The following SIAH2 variants were observed in gnomAD, a reference collection of about 807,000 sequenced individuals.
The protein encoded by SIAH2 is E3 ubiquitin-protein ligase SIAH2.
SIAH2 carries 4 observed loss-of-function variants against 20.4 expected under a neutral mutation model. That is an observed-to-expected ratio of 0.20 (90% confidence interval 0.10 to 0.45). The LOEUF (loss-of-function observed/expected upper bound fraction) is 0.45, where lower values mean the gene tolerates loss of function less well. SIAH2 is among the 20% of genes least tolerant of loss of function. The pLI, the probability that SIAH2 is intolerant of heterozygous loss-of-function variation, is 0.99. For synonymous variants in SIAH2, 171 were observed against 192.5 expected, an observed-to-expected ratio of 0.89 and a Z score of 0.93; for missense variants, 259 against 440.3, an observed-to-expected ratio of 0.59 and a Z score of 3.69.
chr3:150,747,951 C>T (rs143534054), intron 1 of SIAH2, among the ~76,000 whole-genome samples: 2,842 of 112,538 alleles, frequency 0.025, 97 homozygotes, highest in African/African-American at 0.11. Context: ...GCAACAGGAG[C>T]GAAACGCCAT....
Position 150,742,082 on chromosome 3 carries a change from A to G in SIAH2, c.*59T>C. 1 of 1,450,096 alleles carries G rather than the reference A, an allele frequency of 6.9e-7. No homozygotes were observed. The highest frequency in any genetic ancestry group is 1.3e-5 in the South Asian group (1 of 74,854). The allele number at this position is 1,450,096 out of a possible 1,614,324, so 89.8% of individuals were successfully genotyped here. A position where few individuals can be genotyped will look rare whatever the true frequency, so the allele number is the denominator to read the frequency against. On this transcript the variant is annotated 3_prime_UTR_variant, in exon 2 of 2. Transcript: ENST00000312960. The surrounding 1 kb of genome is among the most constrained non-coding windows in gnomAD (Gnocchi z 4.8). ...CATATGGAATAAAACATCTATAAAAACCTTTATTAAACATAGAGCACTATG... is the reference window on the plus strand; with the variant it reads ...CATATGGAATAAAACATCTATAAAAGCCTTTATTAAACATAGAGCACTATG...
At chr3:150,758,736 ATTTT>A (rs1249931879) in intron 1 of SIAH2, among the ~76,000 whole-genome samples, 2 of 108,860 alleles carry the variant, frequency 1.8e-5, no homozygotes, top group South Asian at 5.9e-4. Flanking sequence ...ACACCTGGCT[ATTTT>A]TTTTTTTTTT....
At chr3:150,753,109 C>T (rs986910519) in intron 1 of SIAH2, among the ~76,000 whole-genome samples, 5 of 152,328 alleles carry the variant, frequency 3.3e-5, no homozygotes, top group Admixed American at 2.0e-4. Flanking sequence ...CAGCTGGTGC[C>T]ACCATGGCAG....
intron 1 of SIAH2, among the ~76,000 whole-genome samples, chr3:150,744,858 T>C (rs990075812): frequency 1.3e-5 from 2 of 152,166 alleles, no homozygotes; most frequent in African/African-American, 4.8e-5. Context: ...ATTTATCACT[T>C]GGCAATCATT....
chr3:150,752,480 G>A (rs1018987122), intron 1 of SIAH2, among the ~76,000 whole-genome samples: 2 of 152,182 alleles, frequency 1.3e-5, no homozygotes, highest in Non-Finnish European at 2.9e-5. Flanking sequence ...GTGATGGCAT[G>A]AGCCTGAAAT....
At chr3:150,747,991 G>T (rs1398301145) in intron 1 of SIAH2, among the ~76,000 whole-genome samples, 1 of 147,298 alleles carries the variant, frequency 6.8e-6, no homozygotes, top group Non-Finnish European at 1.5e-5. Context: ...AAAAAAATTG[G>T]GAGGTAGATG....
chr3:150,752,697 G>A lies in SIAH2; in HGVS notation c.417+9736C>T, dbSNP rs767823116. 3.3e-5 allele frequency among the ~76,000 whole-genome samples: 5 copies of A among 152,150 alleles called. No individual in the cohort carries two copies. The East Asian group carries it at 5.8e-4, about 18-fold the overall frequency. On this transcript the variant is annotated intron_variant, in intron 1 of 1. Coordinates refer to ENST00000312960, the MANE Select transcript of SIAH2 (RefSeq NM_005067.7). Reference sequence around the variant, plus strand: ...ATACTTATTATTCTTCTCCGGCCCCGCAAGTTATTTGTTGTTTATCTGAAA... The same window carrying A: ...ATACTTATTATTCTTCTCCGGCCCCACAAGTTATTTGTTGTTTATCTGAAA...
rs1276973804 is a variant in SIAH2, at chr3:150,741,439, TA to T, written c.*701del. ...TCAGGCGTGCGTTCATGTGGATCTA[TA>T]GTTCTAGTTTTAATTTGAGGGTTGG... On this transcript the variant is annotated 3_prime_UTR_variant, in exon 2 of 2. Transcript: ENST00000312960. 6.5e-6 allele frequency: 1 copy of T among 152,676 alleles called. No homozygotes were observed. The highest frequency in any genetic ancestry group is 2.4e-5 in the African/African-American group (1 of 41,440). The allele number at this position is 152,676 out of a possible 1,614,324, so 9.5% of individuals were successfully genotyped here. A position where few individuals can be genotyped will look rare whatever the true frequency, so the allele number is the denominator to read the frequency against.
intron 1 of SIAH2, among the ~76,000 whole-genome samples, chr3:150,759,355 GT>G (rs1714556074): frequency 6.6e-6 from 1 of 152,074 alleles, no homozygotes; most frequent in Non-Finnish European, 1.5e-5. Flanking sequence ...AGGTTTGTAG[GT>G]TTCCCCCACC....
intron 1 of SIAH2, among the ~76,000 whole-genome samples, chr3:150,749,935 T>G (rs920895271): frequency 6.6e-5 from 10 of 152,218 alleles, no homozygotes; most frequent in African/African-American, 1.9e-4. Context: ...CTAGACCCAT[T>G]TGAAAGATGA....
rs928144916 is a variant in SIAH2, at chr3:150,762,477, G to A, written c.373C>T (p.Leu125=). 1 of 1,613,612 alleles carries A rather than the reference G, an allele frequency of 6.2e-7. No individual in the cohort carries two copies. Among genetic ancestry groups the A allele is most frequent in the Middle Eastern group, 1.6e-4 (1 of 6,062 alleles). ...RGALTPSIRN[L]AMEKVASAVL... is the part of the protein sequence containing the mutation. ...GCCGAGGCCACCTTCTCCATAGCCAGGTTCCTGATGCTGGGCGTCAGGGCG... is the reference window on the plus strand; with the variant it reads ...GCCGAGGCCACCTTCTCCATAGCCAAGTTCCTGATGCTGGGCGTCAGGGCG... Residue 125 remains leucine, a synonymous_variant, in exon 1 of 2, where the codon CTG becomes TTG. Coordinates refer to ENST00000312960, the MANE Select transcript of SIAH2 (RefSeq NM_005067.7). The surrounding 1 kb of genome is among the most constrained non-coding windows in gnomAD (Gnocchi z 6.6).
At position 150,746,786 on chromosome 3, in the gene SIAH2, G is replaced by A. The variant is rs185245719; in HGVS notation, c.418-4088C>T. Among the ~76,000 whole-genome samples the A allele has an allele frequency of 8.5e-5, 13 of 152,344 alleles. No individual in the cohort carries two copies. The East Asian group carries it at 1.9e-3, about 23-fold the overall frequency. ...AGCCACTATCACAGTTGCAAGGAGC[G>A]GCCCATGCCAGCAAGCAGGTCCAGT... On this transcript the variant is annotated intron_variant, in intron 1 of 1. Coordinates refer to ENST00000312960, the MANE Select transcript of SIAH2 (RefSeq NM_005067.7).
chr3:150,752,534 G>A (rs950052353), intron 1 of SIAH2, among the ~76,000 whole-genome samples: 6 of 152,040 alleles, frequency 3.9e-5, no homozygotes, highest in African/African-American at 7.2e-5. Flanking sequence ...ACTTGAACCC[G>A]GGCGGCAGAG....
chr3:150,745,685 C>CG (rs368313070), intron 1 of SIAH2, among the ~76,000 whole-genome samples: 2,339 of 152,092 alleles, frequency 0.015, 72 homozygotes, highest in African/African-American at 0.054. Context: ...TTAGTAGAGA[C>CG]GGGGTCTCAC....
chr3:150,760,449 A>G (rs976207051), intron 1 of SIAH2, among the ~76,000 whole-genome samples: 2 of 152,214 alleles, frequency 1.3e-5, no homozygotes, highest in African/African-American at 4.8e-5. Context: ...CCTGATTCCC[A>G]GAACTACTCT....
At chr3:150,757,128 C>T (rs1018127826) in intron 1 of SIAH2, among the ~76,000 whole-genome samples, 1 of 152,128 alleles carries the variant, frequency 6.6e-6, no homozygotes, top group Non-Finnish European at 1.5e-5. Flanking sequence ...GCGTCATCTC[C>T]GTTCTTTCTA....
chr3:150,759,689 A>G (rs1243871769), intron 1 of SIAH2, among the ~76,000 whole-genome samples: 1 of 151,174 alleles, frequency 6.6e-6, no homozygotes, highest in Admixed American at 6.6e-5. Context: ...GAGTTTCCTC[A>G]TCTGAAAAAA....
At chr3:150,743,761 T>C (rs539419047) in intron 1 of SIAH2, among the ~76,000 whole-genome samples, 1 of 152,210 alleles carries the variant, frequency 6.6e-6, no homozygotes, top group East Asian at 1.9e-4. Context: ...ACAGTGTTAA[T>C]TCCTAGATAC....
At chr3:150,746,807 C>A (rs1280286359) in intron 1 of SIAH2, among the ~76,000 whole-genome samples, 3 of 152,236 alleles carry the variant, frequency 2.0e-5, no homozygotes, top group Non-Finnish European at 4.4e-5. Context: ...GCAAGCAGGT[C>A]CAGTAGGTCA....
Sources: gnomAD v4.1 joint callset for allele counts (sites outside exome capture counted in the v4.1 genomes callset) on GRCh38, gnomAD v4.1.1 for gene constraint, Gnocchi (gnomAD v3.1) non-coding constraint, MANE v1.5 for transcripts, NCBI Gene and HGNC (gene_info 2026-07-23, HGNC 2026-07-21) for gene names.